Variants in TBL1XR1 observed in about 807,000 individuals in gnomAD.
TBL1XR1 encodes F-box-like/WD repeat-containing protein TBL1XR1.
TBL1XR1 carries 5 observed loss-of-function variants against 66.9 expected under a neutral mutation model. The ratio of observed to expected loss-of-function variants is 0.07; its 90% CI spans 0.04 to 0.16. The LOEUF (loss-of-function observed/expected upper bound fraction) is 0.16. TBL1XR1 is among the 10% of genes least tolerant of loss of function. The pLI is 1.00. For missense variants in TBL1XR1, 238 were observed against 623.2 expected (o/e 0.38, Z 6.58); for synonymous variants, 210 against 206.0 (o/e 1.02, Z -0.17).
chr3:177,055,310 TAGTC>T (rs1717655414), intron 3 of TBL1XR1, among the ~76,000 whole-genome samples: 1 of 152,074 alleles, frequency 6.6e-6, no homozygotes, highest in Non-Finnish European at 1.5e-5. Context: ...GGTTATTTGA[TAGTC>T]AGAGTACACC....
intron 1 of TBL1XR1, among the ~76,000 whole-genome samples, chr3:177,170,827 A>T (rs923899083): frequency 6.6e-6 from 1 of 151,126 alleles, no homozygotes; most frequent in Admixed American, 6.6e-5. Context: ...CTGGTCTCAA[A>T]CTCCTGAGCT....
chr3:177,107,432 TTAAC>T (rs1365816295), intron 1 of TBL1XR1, among the ~76,000 whole-genome samples: 1 of 152,220 alleles, frequency 6.6e-6, no homozygotes, highest in African/African-American at 2.4e-5. Flanking sequence ...AATATTTCAT[TTAAC>T]TACCACATTC....
At chr3:177,162,270 T>C (rs539472437) in intron 1 of TBL1XR1, among the ~76,000 whole-genome samples, 95 of 152,278 alleles carry the variant, frequency 6.2e-4, no homozygotes, top group African/African-American at 2.1e-3. Context: ...CAATAAATGA[T>C]GAAGCACAGA....
rs1326441364 is a variant in TBL1XR1, at chr3:177,024,913, T to C, written c.*585A>G. The C allele has an allele frequency of 6.6e-6, 1 of 152,484 alleles. No homozygotes were observed. The highest frequency in any genetic ancestry group is 1.5e-5 in the Non-Finnish European group (1 of 68,028). The allele number at this position is 152,484 out of a possible 1,614,324, so 9.4% of individuals were successfully genotyped here. On this transcript the variant is annotated 3_prime_UTR_variant, in exon 16 of 16. Coordinates refer to ENST00000457928, the MANE Select transcript of TBL1XR1 (RefSeq NM_024665.7). ...CCAAACATCTACCTCTTCAAAAGAA[T>C]GCATTAAAATATTTTAAAGAATTTT...
At chr3:177,062,960 T>C (rs1391286194) in intron 3 of TBL1XR1, among the ~76,000 whole-genome samples, 1 of 151,714 alleles carries the variant, frequency 6.6e-6, no homozygotes, top group Non-Finnish European at 1.5e-5. Context: ...CATGGAGAAA[T>C]GCCAACTCTA....
chr3:177,137,634 C>T (rs569210182), intron 1 of TBL1XR1, among the ~76,000 whole-genome samples: 42 of 152,242 alleles, frequency 2.8e-4, no homozygotes, highest in Non-Finnish European at 4.4e-4. Flanking sequence ...GCTCCTCCTT[C>T]CCAAGGCCCC....
chr3:177,129,805 A>T (rs1728068035), intron 1 of TBL1XR1, among the ~76,000 whole-genome samples: 1 of 152,212 alleles, frequency 6.6e-6, no homozygotes, highest in African/African-American at 2.4e-5. Context: ...TAGAAATATC[A>T]ATAACTACAA....
chr3:177,069,788 G>GA (rs1719673293), intron 2 of TBL1XR1, among the ~76,000 whole-genome samples: 1 of 83,548 alleles, frequency 1.2e-5, no homozygotes, highest in African/African-American at 4.9e-5. Context: ...GAAGGAAAAG[G>GA]AAGGAAAGGA....
At chr3:177,150,162 C>G (rs961961637) in intron 1 of TBL1XR1, among the ~76,000 whole-genome samples, 6 of 152,068 alleles carry the variant, frequency 3.9e-5, no homozygotes, top group Non-Finnish European at 5.9e-5. Context: ...ATGTTGTCAA[C>G]CAAGAGCCAA....
At chr3:177,126,528 C>T (rs1234440066) in intron 1 of TBL1XR1, among the ~76,000 whole-genome samples, 1 of 152,162 alleles carries the variant, frequency 6.6e-6, no homozygotes, top group Non-Finnish European at 1.5e-5. Context: ...TCAAGTCCTA[C>T]ATCCATGAAG....
rs1275618384 is a variant in TBL1XR1, at chr3:177,020,016, A to T, written c.*5482T>A. On this transcript the variant is annotated 3_prime_UTR_variant, in exon 16 of 16. Coordinates refer to ENST00000457928, the MANE Select transcript of TBL1XR1 (RefSeq NM_024665.7). ...AAAAAAAAAGAAAATATGCTCAATG[A>T]TTCTTTTTAAAAAGTCTCTAACTCT... 2 of 151,240 alleles carry T rather than the reference A, an allele frequency of 1.3e-5. No homozygotes were observed. The highest frequency in any genetic ancestry group is 2.9e-5 in the Non-Finnish European group (2 of 67,804). The allele number at this position is 151,240 out of a possible 1,614,324, so 9.4% of individuals were successfully genotyped here. A position where few individuals can be genotyped will look rare whatever the true frequency, so the allele number is the denominator to read the frequency against.
intron 1 of TBL1XR1, among the ~76,000 whole-genome samples, chr3:177,181,994 C>T (rs1193992103): frequency 6.6e-6 from 1 of 151,964 alleles, no homozygotes; most frequent in African/African-American, 2.4e-5. Flanking sequence ...TCCTTGTTTC[C>T]CCTAGCAAGT....
intron 4 of TBL1XR1, among the ~76,000 whole-genome samples, chr3:177,052,575 G>A (rs769102338): frequency 4.6e-5 from 7 of 152,086 alleles, no homozygotes; most frequent in South Asian, 2.1e-4. Context: ...TGGAATAAGC[G>A]CCATGTCAAA....
chr3:177,074,452 C>T (rs1720436801), intron 2 of TBL1XR1, among the ~76,000 whole-genome samples: 2 of 152,192 alleles, frequency 1.3e-5, no homozygotes, highest in African/African-American at 4.8e-5. Context: ...TGAGTAAGCA[C>T]AGCTCTCCCT....
intron 1 of TBL1XR1, among the ~76,000 whole-genome samples, chr3:177,108,049 A>G (rs933816941): frequency 2.0e-5 from 3 of 152,074 alleles, no homozygotes; most frequent in African/African-American, 7.2e-5. Context: ...AACACACCAG[A>G]TATGGTCCAC....
chr3:177,049,464 G>GA (rs1226766064), intron 7 of TBL1XR1, among the ~76,000 whole-genome samples: 1 of 152,122 alleles, frequency 6.6e-6, no homozygotes, highest in East Asian at 1.9e-4. Context: ...CAGAATCAGA[G>GA]AATTACAAGA....
chr3:177,033,259 G>T, intron 13 of TBL1XR1, 123 bp from the exon 14 acceptor site: 1 of 634,038 alleles, frequency 1.6e-6, no homozygotes, highest in Non-Finnish European at 2.5e-6. Context: ...GAAGCAGACC[G>T]ACTGGACTGT....
intron 1 of TBL1XR1, among the ~76,000 whole-genome samples, chr3:177,186,105 G>A (rs1042693513): frequency 1.3e-5 from 2 of 152,140 alleles, no homozygotes; most frequent in African/African-American, 4.8e-5. Flanking sequence ...AGGACACAAG[G>A]AAGTCCAAGG....
At chr3:177,125,924 T>A (rs550294944) in intron 1 of TBL1XR1, 2 of 152,328 alleles carry the variant, frequency 1.3e-5, no homozygotes, top group African/African-American at 4.8e-5. Flanking sequence ...AGATACCACA[T>A]TTCTTTTGTT....
Sources: gnomAD v4.1 joint callset for allele counts (sites outside exome capture counted in the v4.1 genomes callset) on GRCh38, gnomAD v4.1.1 for gene constraint, MANE v1.5 for transcripts, NCBI Gene and HGNC (gene_info 2026-07-23, HGNC 2026-07-21) for gene names.